Variants in MTREX observed in about 807,000 individuals in gnomAD.
MTREX encodes the protein Mtr4 exosome RNA helicase.
Under a neutral mutation model 135.4 loss-of-function variants are expected in MTREX, and 76 were observed. That is an observed-to-expected ratio of 0.56 (90% CI 0.47 to 0.68). The LOEUF (loss-of-function observed/expected upper bound fraction) is 0.68. Among genes scored for constraint, MTREX ranks in the 30% least tolerant of loss-of-function variants. MTREX has a pLI of 0.00. For synonymous variants in MTREX, 404 were observed against 401.6 expected (o/e 1.01, Z -0.07); for missense variants, 920 against 1,262.1 (o/e 0.73, Z 4.11).
intron 16 of MTREX, among the ~76,000 whole-genome samples, chr5:55,372,204 A>AT (rs1364092479): frequency 2.0e-5 from 3 of 151,870 alleles, no homozygotes; most frequent in East Asian, 3.9e-4. Flanking sequence ...ATAGGGTTTA[A>AT]TTTTTTTTCC....
At chr5:55,345,747 A>G (rs1044239534) in intron 10 of MTREX, among the ~76,000 whole-genome samples, 1 of 121,160 alleles carries the variant, frequency 8.3e-6, no homozygotes, top group African/African-American at 3.7e-5. Flanking sequence ...GCTCATTGCA[A>G]CTTTCTGCCT....
At chr5:55,375,660 A>G (rs1750285563) in intron 16 of MTREX, among the ~76,000 whole-genome samples, 1 of 152,200 alleles carries the variant, frequency 6.6e-6, no homozygotes, top group African/African-American at 2.4e-5. Flanking sequence ...CATCCTCCTC[A>G]GCTGACAGGA....
chr5:55,423,068 G>A (rs535771649), intron 26 of MTREX, 86 bp downstream of exon 26: 51 of 921,106 alleles, frequency 5.5e-5, no homozygotes, highest in African/African-American at 4.8e-4. Context: ...CTAGGAGGAC[G>A]TTTTGAGATG....
intron 4 of MTREX, 123 bp downstream of exon 4, chr5:55,327,901 C>T: frequency 1.6e-6 from 1 of 626,248 alleles, no homozygotes; most frequent in East Asian, 2.7e-5. Context: ...AAGAACAAGC[C>T]AACTAAAGAC....
At chr5:55,418,050 C>T (rs1009522041) in intron 25 of MTREX, among the ~76,000 whole-genome samples, 10 of 151,214 alleles carry the variant, frequency 6.6e-5, no homozygotes, top group African/African-American at 1.9e-4. Context: ...CTGGCTAACA[C>T]GGTGAAACCC....
intron 1 of MTREX, among the ~76,000 whole-genome samples, 185 bp from the exon 2 acceptor site, chr5:55,322,142 A>G (rs1388011241): frequency 6.6e-6 from 1 of 152,248 alleles, no homozygotes; most frequent in Non-Finnish European, 1.5e-5. Context: ...ATACAAATGC[A>G]GTAAAGTATT....
At chr5:55,354,541 TA>T (rs1175087188) in intron 14 of MTREX, among the ~76,000 whole-genome samples, 1 of 152,240 alleles carries the variant, frequency 6.6e-6, no homozygotes, top group Non-Finnish European at 1.5e-5. Context: ...GCTGAAACTG[TA>T]AATAAAGGCG....
chr5:55,361,022 C>T (rs1239807083), intron 15 of MTREX, among the ~76,000 whole-genome samples: 2 of 152,194 alleles, frequency 1.3e-5, no homozygotes, highest in African/African-American at 2.4e-5. Context: ...ATGCTTCTAA[C>T]TACTATATGG....
intron 1 of MTREX, among the ~76,000 whole-genome samples, chr5:55,316,513 A>G (rs1041746811): frequency 1.3e-5 from 2 of 152,224 alleles, no homozygotes; most frequent in Non-Finnish European, 2.9e-5. Flanking sequence ...CATCACATGA[A>G]CAGAACTAAA....
intron 20 of MTREX, among the ~76,000 whole-genome samples, chr5:55,399,708 C>T (rs567502240): frequency 2.6e-5 from 4 of 152,172 alleles, no homozygotes; most frequent in African/African-American, 4.8e-5. Context: ...AGGATGGTCT[C>T]GATCTCCTGA....
At chr5:55,312,039 G>A (rs573514932) in intron 1 of MTREX, among the ~76,000 whole-genome samples, 5 of 152,216 alleles carry the variant, frequency 3.3e-5, no homozygotes, top group South Asian at 2.1e-4. Context: ...ACAAGTTGGC[G>A]AAAATAGTAT....
chr5:55,332,731 A>G (rs1749497479), intron 5 of MTREX, among the ~76,000 whole-genome samples: 1 of 152,196 alleles, frequency 6.6e-6, no homozygotes, highest in Admixed American at 6.6e-5. Flanking sequence ...TGGAGCTTTC[A>G]TGACCTCATC....
At position 55,308,121 on chromosome 5, in the gene MTREX, G is replaced by A. The variant is rs1748995898; in HGVS notation, c.108G>A (p.Gly36=). The A allele has an allele frequency of 3.1e-6, 5 of 1,611,628 alleles. No homozygotes were observed. Among genetic ancestry groups the A allele is most frequent in the African/African-American group, 1.3e-5 (1 of 74,714 alleles). ...DKEKDKGKWK[G]PPGSADKAGK... is the part of the protein sequence containing the mutation. Reference sequence around the variant, plus strand: ...AAAAGGACAAGGGGAAATGGAAGGGGCCTCCAGGGTCTGCAGACAAGGCAG... The same window carrying A: ...AAAAGGACAAGGGGAAATGGAAGGGACCTCCAGGGTCTGCAGACAAGGCAG... Residue 36 remains glycine (G), a synonymous_variant, in exon 1 of 27, where the codon GGG becomes GGA. Coordinates refer to ENST00000230640, the MANE Select transcript of MTREX (RefSeq NM_015360.5).
chr5:55,365,737 T>C (rs944424935), intron 15 of MTREX, among the ~76,000 whole-genome samples: 1 of 152,218 alleles, frequency 6.6e-6, no homozygotes, highest in Admixed American at 6.5e-5. Context: ...GGCTCATGCC[T>C]GTAATCCCAG....
chr5:55,354,834 G>T (rs1219361575), intron 14 of MTREX, among the ~76,000 whole-genome samples: 1 of 152,184 alleles, frequency 6.6e-6, no homozygotes, highest in Non-Finnish European at 1.5e-5. Flanking sequence ...CTGGTTTGTG[G>T]TGGGGGGAAG....
chr5:55,407,564 T>C (rs567742836), intron 22 of MTREX, among the ~76,000 whole-genome samples: 3 of 152,296 alleles, frequency 2.0e-5, no homozygotes, highest in Non-Finnish European at 4.4e-5. Context: ...TTGTTAACTT[T>C]CCCCCAAATT....
At chr5:55,338,933 A>G (rs150034874) in intron 5 of MTREX, among the ~76,000 whole-genome samples, 2 of 151,532 alleles carry the variant, frequency 1.3e-5, no homozygotes, top group East Asian at 3.9e-4. Flanking sequence ...TGGGATTACA[A>G]ATGTACACCA....
At chr5:55,349,735 C>A in intron 12 of MTREX, 83 bp downstream of exon 12, 1 of 764,034 alleles carries the variant, frequency 1.3e-6, no homozygotes, top group South Asian at 1.6e-5. Context: ...TTTTATTACT[C>A]TATTGCACTT....
At chr5:55,389,319 T>G (rs942622702) in intron 19 of MTREX, among the ~76,000 whole-genome samples, 1 of 152,220 alleles carries the variant, frequency 6.6e-6, no homozygotes, top group African/African-American at 2.4e-5. Flanking sequence ...CATTCTCCCT[T>G]TCTCATGGCA....
Sources: gnomAD v4.1 joint callset for allele counts (sites outside exome capture counted in the v4.1 genomes callset) on GRCh38, gnomAD v4.1.1 for gene constraint, MANE v1.5 for transcripts, NCBI Gene and HGNC (gene_info 2026-07-23, HGNC 2026-07-21) for gene names.